The following ADAMTS2 variants were observed in gnomAD, a reference collection of about 807,000 sequenced individuals.
The protein encoded by ADAMTS2 is A disintegrin and metalloproteinase with thrombospondin motifs 2.
Under a neutral mutation model 123.0 loss-of-function variants are expected in ADAMTS2, and 50 were observed. The ratio of observed to expected loss-of-function variants is 0.41; its 90% CI spans 0.32 to 0.51. The LOEUF (loss-of-function observed/expected upper bound fraction) is 0.51. Ranked by LOEUF, ADAMTS2 falls within the 20% of genes least tolerant of loss-of-function variation. The pLI, the probability that ADAMTS2 is intolerant of heterozygous loss-of-function variation, is 0.35. For synonymous variants in ADAMTS2, 678 were observed against 695.4 expected (o/e 0.98, Z 0.39); for missense variants, 1,494 against 1,705.2 (o/e 0.88, Z 2.18).
chr5:179,343,654 C>T (rs1336677277), intron 2 of ADAMTS2, 113 bp downstream of exon 2: 13 of 1,399,326 alleles, frequency 9.3e-6, no homozygotes, highest in Middle Eastern at 2.3e-4. Context: ...ACGGGAAGGG[C>T]GCGGAAAGTC....
chr5:179,233,384 TA>T (rs11312305), intron 3 of ADAMTS2, among the ~76,000 whole-genome samples: 123,998 of 149,958 alleles, frequency 0.83, 51,613 homozygotes, highest in East Asian at 0.99. Flanking sequence ...TGTGTCACAT[TA>T]AAAAACAAAA....
At chr5:179,293,347 G>T (rs914865990) in intron 2 of ADAMTS2, among the ~76,000 whole-genome samples, 2 of 152,254 alleles carry the variant, frequency 1.3e-5, no homozygotes, top group African/African-American at 4.8e-5. Flanking sequence ...TTTGTTTATG[G>T]ATCAGAAATC....
Position 179,207,732 on chromosome 5 carries a change from C to T in ADAMTS2, c.689-17G>A. On this transcript the variant is annotated splice_polypyrimidine_tract_variant and intron_variant, in intron 3 of 21. Coordinates refer to ENST00000251582, the MANE Select transcript of ADAMTS2 (RefSeq NM_014244.5). Reference sequence around the variant, plus strand: ...GGGAGGCCCCTGCAAGGAGAGGACACCGTCTTCAGCGGCAGGGCAAACCCA... The same window carrying T: ...GGGAGGCCCCTGCAAGGAGAGGACATCGTCTTCAGCGGCAGGGCAAACCCA... 1 of 1,607,156 alleles carries T rather than the reference C, an allele frequency of 6.2e-7. No individual in the cohort carries two copies. The highest frequency in any genetic ancestry group is 8.5e-7 in the Non-Finnish European group (1 of 1,179,666).
Position 179,345,258 on chromosome 5 carries a change from GGCAGCA to G in ADAMTS2, c.65_70del (p.Leu22_Leu23del), listed in dbSNP as rs568040559. On this transcript the variant is annotated inframe_deletion, in exon 1 of 22. Coordinates refer to ENST00000251582, the MANE Select transcript of ADAMTS2 (RefSeq NM_014244.5). The surrounding 1 kb of genome is among the most constrained non-coding windows in gnomAD (Gnocchi z 7.5). ...CGGCGGCGGCGGCAGGAGCGGCGGC[GGCAGCA>G]GCAGCAGCAGCAGCAGCAGCGCGGG... 116 of 1,136,060 alleles carry G rather than the reference GGCAGCA, an allele frequency of 1.0e-4. No homozygotes were observed. Among genetic ancestry groups the G allele is most frequent in the African/African-American group, 1.5e-4 (9 of 59,006 alleles). The allele number at this position is 1,136,060 out of a possible 1,614,324, so 70.4% of individuals were successfully genotyped here.
At chr5:179,336,842 C>T (rs1757627194) in intron 2 of ADAMTS2, among the ~76,000 whole-genome samples, 1 of 152,230 alleles carries the variant, frequency 6.6e-6, no homozygotes. Context: ...CTCCAGCCCA[C>T]AATAGGCCCC....
At chr5:179,273,666 C>T (rs1056809227) in intron 2 of ADAMTS2, among the ~76,000 whole-genome samples, 3 of 152,120 alleles carry the variant, frequency 2.0e-5, no homozygotes, top group African/African-American at 7.2e-5. Flanking sequence ...GGATGGAACA[C>T]ATGCCCCTGC....
At chr5:179,294,675 G>C (rs959445069) in intron 2 of ADAMTS2, among the ~76,000 whole-genome samples, 1 of 152,254 alleles carries the variant, frequency 6.6e-6, no homozygotes, top group African/African-American at 2.4e-5. Context: ...CATCCGCAGG[G>C]TGGCCCCTGC....
intron 4 of ADAMTS2, among the ~76,000 whole-genome samples, chr5:179,193,586 A>C (rs1224070142): frequency 6.6e-6 from 1 of 152,204 alleles, no homozygotes; most frequent in East Asian, 1.9e-4. Context: ...ACACCCAGCC[A>C]CGAGGAGTTC....
intron 3 of ADAMTS2, among the ~76,000 whole-genome samples, chr5:179,217,801 G>GCC (rs879691618): frequency 9.0e-6 from 1 of 111,036 alleles, no homozygotes; most frequent in African/African-American, 3.2e-5. Context: ...CGCAAGGGGG[G>GCC]GATGGGCACA....
chr5:179,251,994 TTTTC>T (rs1765937766), intron 3 of ADAMTS2, among the ~76,000 whole-genome samples: 1 of 151,738 alleles, frequency 6.6e-6, no homozygotes, highest in South Asian at 2.1e-4. Flanking sequence ...ACTGATTTTT[TTTTC>T]TTTTTCTTTT....
At chr5:179,160,485 T>G (rs1763574172) in intron 5 of ADAMTS2, among the ~76,000 whole-genome samples, 1 of 152,140 alleles carries the variant, frequency 6.6e-6, no homozygotes, top group African/African-American at 2.4e-5. Flanking sequence ...AGGGTATTGT[T>G]AGCAAGCCAG....
At position 179,259,548 on chromosome 5, in the gene ADAMTS2, G is replaced by A. The variant is rs1021854963; in HGVS notation, c.688+13363C>T. On this transcript the variant is annotated intron_variant, in intron 3 of 21. Coordinates refer to ENST00000251582, the MANE Select transcript of ADAMTS2 (RefSeq NM_014244.5). ...GGGAACAGTGGCCAAGGCACGCTGG[G>A]AGCAGTGCTCCAGCCCGACGGCATC... Among the ~76,000 whole-genome samples the A allele has an allele frequency of 7.9e-5, 12 of 152,238 alleles. No homozygotes were observed. In the East Asian group the frequency reaches 2.1e-3, roughly 27 times the overall value.
Position 179,312,802 on chromosome 5 carries a change from C to T in ADAMTS2, c.534+30965G>A, listed in dbSNP as rs914931515. ...TCCCCTAGAGGCTCCGGAGGGAGCGCGGCCCTGCCGCCACCTGCGTTTTGC... is the reference window on the plus strand; with the variant it reads ...TCCCCTAGAGGCTCCGGAGGGAGCGTGGCCCTGCCGCCACCTGCGTTTTGC... On this transcript the variant is annotated intron_variant, in intron 2 of 21. Transcript: ENST00000251582. The surrounding 1 kb of genome is among the most constrained non-coding windows in gnomAD (Gnocchi z 4.2). 9.2e-5 allele frequency among the ~76,000 whole-genome samples: 14 copies of T among 152,364 alleles called. No individual in the cohort carries two copies. The highest frequency in any genetic ancestry group is 2.1e-4 in the South Asian group (1 of 4,826).
chr5:179,215,637 G>C lies in ADAMTS2; in HGVS notation c.689-7922C>G, dbSNP rs1764964894. On this transcript the variant is annotated intron_variant, in intron 3 of 21. Transcript: ENST00000251582. ...CCTCCAAGGATAGGCAGAGCAGGAG[G>C]GGAAGAAACAACAAGGGAACTGTGG... is the stretch of plus-strand genomic sequence containing the variant. 2.0e-5 allele frequency among the ~76,000 whole-genome samples: 3 copies of C among 152,238 alleles called. No homozygotes were observed. The South Asian group carries it at 6.2e-4, about 32-fold the overall frequency.
chr5:179,153,328 G>C (rs1002656409), intron 9 of ADAMTS2, among the ~76,000 whole-genome samples, 163 bp downstream of exon 9: 3 of 152,164 alleles, frequency 2.0e-5, no homozygotes, highest in African/African-American at 7.2e-5. Flanking sequence ...GGGTGCCTAG[G>C]GGGTGGGGAG....
chr5:179,297,732 T>C (rs1300369534), intron 2 of ADAMTS2, among the ~76,000 whole-genome samples: 5 of 151,982 alleles, frequency 3.3e-5, no homozygotes, highest in African/African-American at 1.2e-4. Context: ...GCTCTTGCTC[T>C]GAGCCGAGAC....
chr5:179,249,751 G>T (rs1351628789), intron 3 of ADAMTS2, among the ~76,000 whole-genome samples: 2 of 152,108 alleles, frequency 1.3e-5, no homozygotes, highest in African/African-American at 4.8e-5. Flanking sequence ...GCTTGAATCA[G>T]TCATCAAAAA....
intron 9 of ADAMTS2, 97 bp from the exon 10 acceptor site, chr5:179,152,352 G>T: frequency 8.5e-7 from 1 of 1,175,804 alleles, no homozygotes; most frequent in Non-Finnish European, 1.2e-6. Flanking sequence ...AGATGCCCCA[G>T]TGGGACTGGC....
At chr5:179,116,550 GA>G (rs1762662822) in intron 21 of ADAMTS2, among the ~76,000 whole-genome samples, 2 of 152,170 alleles carry the variant, frequency 1.3e-5, no homozygotes, top group African/African-American at 4.8e-5. Context: ...CTAATTGTCA[GA>G]TGAATGACTA....
Sources: allele counts gnomAD v4.1 joint callset (sites outside exome capture counted in the v4.1 genomes callset), GRCh38; gene constraint gnomAD v4.1.1; non-coding constraint Gnocchi (gnomAD v3.1); transcripts MANE v1.5; gene names NCBI Gene and HGNC (gene_info 2026-07-23, HGNC 2026-07-21).